PRRC2C: variants seen among roughly 807,000 people sequenced by gnomAD.
PRRC2C encodes protein PRRC2C.
PRRC2C carries 72 observed loss-of-function variants against 317.2 expected under a neutral mutation model. That is an observed-to-expected ratio of 0.23 (90% CI 0.19 to 0.28). The LOEUF is 0.28. Ranked by LOEUF, PRRC2C falls within the 10% of genes least tolerant of loss-of-function variation. The pLI, the probability that PRRC2C is intolerant of heterozygous loss-of-function variation, is 1.00. For synonymous variants in PRRC2C, 1,296 were observed against 1,205.9 expected, an observed-to-expected ratio of 1.07 and a Z score of -1.55; for missense variants, 3,074 against 3,459.7, an observed-to-expected ratio of 0.89 and a Z score of 2.80.
chr1:171,502,992 G>A (rs1401505380), intron 1 of PRRC2C, among the ~76,000 whole-genome samples: 1 of 152,114 alleles, frequency 6.6e-6, no homozygotes, highest in Non-Finnish European at 1.5e-5. Context: ...CAAAGTGCTG[G>A]GATTACAGCA....
At chr1:171,507,948 G>A (rs1420487149) in intron 1 of PRRC2C, among the ~76,000 whole-genome samples, 1 of 151,998 alleles carries the variant, frequency 6.6e-6, no homozygotes, top group African/African-American at 2.4e-5. Context: ...TTTTCATCTA[G>A]GTTGTTATTT....
At chr1:171,591,327 A>G (rs1651367211) in intron 34 of PRRC2C, 1 of 754,862 alleles carries the variant, frequency 1.3e-6, no homozygotes, top group Non-Finnish European at 1.8e-6. Flanking sequence ...ATAAAATTTA[A>G]TATGAGAGGG....
chr1:171,560,811 A>G (rs1413269165), intron 19 of PRRC2C, among the ~76,000 whole-genome samples: 1 of 152,222 alleles, frequency 6.6e-6, no homozygotes, highest in African/African-American at 2.4e-5. Flanking sequence ...GCTTTATTGC[A>G]GTGGTCTGGA....
chr1:171,570,373 T>C (rs1488759429), intron 23 of PRRC2C, among the ~76,000 whole-genome samples: 3 of 152,206 alleles, frequency 2.0e-5, no homozygotes, highest in Admixed American at 6.5e-5. Context: ...TCTTAACTGA[T>C]ACATGTTGGT....
Position 171,541,120 on chromosome 1 carries a change from A to G in PRRC2C, c.3654A>G (p.Arg1218=), listed in dbSNP as rs538593391. The G allele has an allele frequency of 6.2e-7, 1 of 1,613,808 alleles. No homozygotes were observed. The highest frequency in any genetic ancestry group is 2.2e-5 in the East Asian group (1 of 44,866). The part of the protein sequence containing the change: ...GRGRGGRGHT[R]DYPQYRDNKP... ...GCAGGGGTGGTAGGGGACACACTCG[A>G]GATTATCCTCAGTATAGAGACAATA... Residue 1218 remains arginine, a synonymous_variant, in exon 16 of 35, where the codon CGA becomes CGG. Coordinates refer to ENST00000647382, the MANE Select transcript of PRRC2C (RefSeq NM_001387844.1). This position sits in a 1 kb window ranked among gnomAD's most constrained non-coding sequence, Gnocchi z 4.1.
At chr1:171,567,625 G>C (rs193249917) in intron 22 of PRRC2C, among the ~76,000 whole-genome samples, 48 of 152,176 alleles carry the variant, frequency 3.2e-4, no homozygotes, top group Middle Eastern at 3.4e-3. Context: ...CTAAGATCTT[G>C]GTAATTGATA....
intron 21 of PRRC2C, 53 bp from the exon 22 acceptor site, chr1:171,566,539 G>A (rs1308490991): frequency 6.7e-7 from 1 of 1,494,648 alleles, no homozygotes; most frequent in Non-Finnish European, 8.9e-7. Context: ...GTGCAATGAT[G>A]AAAGATACTC....
intron 5 of PRRC2C, among the ~76,000 whole-genome samples, chr1:171,516,422 C>T (rs989059914): frequency 1.3e-4 from 20 of 152,186 alleles, no homozygotes; most frequent in Non-Finnish European, 2.4e-4. Flanking sequence ...TCGTCTATGA[C>T]AGAAGTGTTT....
chr1:171,577,771 AT>A (rs1553245738), intron 26 of PRRC2C, 134 bp downstream of exon 26: 7,583 of 298,168 alleles, frequency 0.025, no homozygotes, highest in Admixed American at 0.044. Context: ...TTAAATTCGC[AT>A]TTTTTTTTTT....
rs200589180 is a variant in PRRC2C at position 171,514,694 on chromosome 1, A to G, written c.400+49A>G. 9 of 1,441,880 alleles carry G rather than the reference A, an allele frequency of 6.2e-6. No homozygotes were observed. In the Admixed American group the frequency reaches 9.9e-5, roughly 16 times the overall value. 89.3% of individuals were successfully genotyped at this position (1,441,880 alleles called of 1,614,324 possible). A position where few individuals can be genotyped will look rare whatever the true frequency, so the allele number is the denominator to read the frequency against. ...GCTGCCTAGGCTTGATAGTTACTGA[A>G]CAGCCATGCAGGAGATAAGGGGTGA... On this transcript the variant is annotated intron_variant, in intron 4 of 34. Coordinates refer to ENST00000647382, the MANE Select transcript of PRRC2C (RefSeq NM_001387844.1).
intron 1 of PRRC2C, among the ~76,000 whole-genome samples, chr1:171,495,716 A>C (rs1370529319): frequency 6.6e-6 from 1 of 152,138 alleles, no homozygotes; most frequent in African/African-American, 2.4e-5. Flanking sequence ...AGTGTGGTGA[A>C]TATTTGGGCT....
chr1:171,549,440 A>G (rs1430190426), intron 17 of PRRC2C, among the ~76,000 whole-genome samples: 2 of 152,304 alleles, frequency 1.3e-5, no homozygotes, highest in South Asian at 2.1e-4. Context: ...TTAAAGCACT[A>G]TACAGTCTGA....
intron 12 of PRRC2C, among the ~76,000 whole-genome samples, chr1:171,534,292 AT>A (rs1165040430): frequency 3.4e-4 from 52 of 152,220 alleles, no homozygotes; most frequent in African/African-American, 1.1e-3. Context: ...ATAAGTACTT[AT>A]GAAGATTGCT....
At chr1:171,517,567 C>G in intron 5 of PRRC2C, 24 bp from the exon 6 acceptor site, 1 of 1,576,410 alleles carries the variant, frequency 6.3e-7, no homozygotes, top group South Asian at 1.1e-5. Flanking sequence ...TATCTTTTTC[C>G]TTTTTTCTCT....
chr1:171,523,104 A>C, intron 7 of PRRC2C, 117 bp from the exon 8 acceptor site: 1 of 879,808 alleles, frequency 1.1e-6, no homozygotes, highest in Non-Finnish European at 1.7e-6. Context: ...AGAACATATT[A>C]GGTATCTTGG....
chr1:171,505,977 T>G (rs954006044), intron 1 of PRRC2C, among the ~76,000 whole-genome samples: 4 of 152,242 alleles, frequency 2.6e-5, no homozygotes, highest in African/African-American at 9.6e-5. Flanking sequence ...TGTGCAGGTT[T>G]GAAGCCTAGG....
intron 24 of PRRC2C, among the ~76,000 whole-genome samples, chr1:171,573,035 G>A (rs1685048214): frequency 6.6e-6 from 1 of 152,090 alleles, no homozygotes; most frequent in African/African-American, 2.4e-5. Flanking sequence ...GCAACTTTAA[G>A]CAAAACTGTA....
chr1:171,552,965 G>A (rs1680592714), intron 18 of PRRC2C, among the ~76,000 whole-genome samples: 1 of 152,180 alleles, frequency 6.6e-6, no homozygotes. Flanking sequence ...TCAGGATGAT[G>A]CTGGCCTCAT....
chr1:171,582,279 A>C (rs529159955), intron 28 of PRRC2C, among the ~76,000 whole-genome samples: 2 of 152,324 alleles, frequency 1.3e-5, no homozygotes, highest in South Asian at 4.1e-4. Context: ...GGAAAGAGCA[A>C]TCCACTTCTT....
Sources: gnomAD v4.1 joint callset for allele counts (sites outside exome capture counted in the v4.1 genomes callset) on GRCh38, gnomAD v4.1.1 for gene constraint, Gnocchi (gnomAD v3.1) non-coding constraint, MANE v1.5 for transcripts, NCBI Gene and HGNC (gene_info 2026-07-23, HGNC 2026-07-21) for gene names.